The following DNAH8 variants were observed in gnomAD, a reference collection of about 807,000 sequenced individuals.
DNAH8 encodes the protein dynein axonemal heavy chain 8.
DNAH8 carries 382 observed loss-of-function variants against 562.1 expected under a neutral mutation model. The ratio of observed to expected loss-of-function variants is 0.68; its 90% CI spans 0.63 to 0.74. The LOEUF (loss-of-function observed/expected upper bound fraction) is 0.74, where lower values mean the gene tolerates loss of function less well. Ranked by LOEUF, DNAH8 falls within the 30% of genes least tolerant of loss-of-function variation. DNAH8 has a pLI of 0.00. For synonymous variants in DNAH8, 1,881 were observed against 1,919.4 expected (o/e 0.98, Z 0.52); for missense variants, 5,203 against 5,620.4 (o/e 0.93, Z 2.37).
In DNAH8 at chr6:38,848,736, C is replaced by T; in HGVS notation, c.5134C>T (p.Gln1712Ter). The T allele has an allele frequency of 6.2e-7, 1 of 1,613,292 alleles. No individual in the cohort carries two copies. The highest frequency in any genetic ancestry group is 8.5e-7 in the Non-Finnish European group (1 of 1,179,454). ...TATAATTGAAGAGTGGCTCGTAGTA[C>T]AGAACCTTTGGGTTTATCTTGAAGC... ...SDIIEEWLVV[Q>*]NLWVYLEAVF... Residue 1712 changes from glutamine to a stop codon, truncating the protein, a stop_gained, in exon 37 of 93, where the codon CAG (glutamine) becomes TAG (stop). Coordinates refer to ENST00000327475, the MANE Select transcript of DNAH8 (RefSeq NM_001206927.2). LOFTEE classifies it high-confidence loss of function.
At chr6:38,733,985 A>T (rs1486340351) in intron 4 of DNAH8, among the ~76,000 whole-genome samples, 4 of 149,432 alleles carry the variant, frequency 2.7e-5, no homozygotes, top group Non-Finnish European at 5.9e-5. Context: ...AAAAAAAAAA[A>T]AAATGATGCA....
At position 38,826,287 on chromosome 6, in the gene DNAH8, T is replaced by C; in HGVS notation, c.3979T>C (p.Ser1327Pro). The change falls in exon 29 of 93, where the codon TCT becomes CCT. Residue 1327 changes from serine (S) to proline (P), a missense_variant. Ser to Pro is a moderately conservative substitution (Grantham distance 74). This residue lies in a region of DNAH8 where 2,176 missense variants were observed against 2,365.1 expected (regional missense o/e 0.92). Transcript: ENST00000327475. ...TATTAATGAATACTTGAAAAAGTTA[T>C]CTAGACCTATTCGTGATTTAGATGA... Reference protein sequence around the residue: ...AFINEYLKKLSRPIRDLDDVR... With the variant: ...AFINEYLKKLPRPIRDLDDVR... The C allele has an allele frequency of 2.5e-6, 4 of 1,613,698 alleles. No homozygotes were observed. Among genetic ancestry groups the C allele is most frequent in the Non-Finnish European group, 3.4e-6 (4 of 1,179,734 alleles).
intron 85 of DNAH8, among the ~76,000 whole-genome samples, chr6:38,981,569 A>G (rs1182257752): frequency 6.6e-6 from 1 of 152,236 alleles, no homozygotes; most frequent in Non-Finnish European, 1.5e-5. Flanking sequence ...TAGTTTTCAA[A>G]ATCTGAAATG....
chr6:38,747,632 G>A (rs1765069559), intron 8 of DNAH8, among the ~76,000 whole-genome samples: 1 of 152,188 alleles, frequency 6.6e-6, no homozygotes, highest in South Asian at 2.1e-4. Context: ...TGATCTGCCC[G>A]CCTTGGCTGC....
chr6:38,745,634 A>C (rs1764864734), intron 8 of DNAH8, among the ~76,000 whole-genome samples: 2 of 152,136 alleles, frequency 1.3e-5, no homozygotes, highest in Admixed American at 1.3e-4. Flanking sequence ...CAGGTTTTCC[A>C]CTTATGTATT....
intron 59 of DNAH8, among the ~76,000 whole-genome samples, chr6:38,895,762 C>A (rs1779633677): frequency 6.6e-6 from 1 of 152,238 alleles, no homozygotes; most frequent in South Asian, 2.1e-4. Flanking sequence ...CGCTCGTCCA[C>A]TACCGACCAT....
intron 10 of DNAH8, among the ~76,000 whole-genome samples, chr6:38,757,259 C>A (rs1366845946): frequency 2.0e-5 from 3 of 152,150 alleles, no homozygotes; most frequent in Admixed American, 2.0e-4. Context: ...ATTTGCATTT[C>A]TCTGATGGCC....
intron 19 of DNAH8, 73 bp from the exon 20 acceptor site, chr6:38,790,216 G>C: frequency 1.2e-6 from 1 of 812,628 alleles, no homozygotes; most frequent in Non-Finnish European, 2.1e-6. Context: ...ATATTTGTAG[G>C]TGATAAATCC....
chr6:38,876,165 G>T (rs946311820), intron 53 of DNAH8, among the ~76,000 whole-genome samples: 5 of 152,228 alleles, frequency 3.3e-5, no homozygotes, highest in Non-Finnish European at 7.3e-5. Flanking sequence ...TGCAAAGCAT[G>T]CTAATACACA....
At chr6:38,769,078 T>C (rs939298439) in intron 11 of DNAH8, among the ~76,000 whole-genome samples, 3 of 152,230 alleles carry the variant, frequency 2.0e-5, no homozygotes, top group Non-Finnish European at 2.9e-5. Flanking sequence ...TCTAGTTCAA[T>C]GTTTCTATTA....
intron 4 of DNAH8, among the ~76,000 whole-genome samples, chr6:38,734,115 C>G (rs1244379205): frequency 7.3e-6 from 1 of 136,992 alleles, no homozygotes; most frequent in Non-Finnish European, 1.7e-5. Context: ...AACCCCGTCT[C>G]TAAGAAAAAA....
chr6:38,872,635 G>GA lies in DNAH8; in HGVS notation c.7092dup (p.Cys2365MetfsTer6), dbSNP rs751768215. The stretch of plus-strand genomic sequence containing the variant: ...CACGATTCTAATGAAGGCGCAAACA[G>GA]AATGCGGAAGGCCTCATAGAGAAAT... On this transcript the variant is annotated frameshift_variant, in exon 50 of 93. Coordinates refer to ENST00000327475, the MANE Select transcript of DNAH8 (RefSeq NM_001206927.2). LOFTEE classifies it high-confidence loss of function. The GA allele has an allele frequency of 1.4e-5, 23 of 1,614,140 alleles. No homozygotes were observed. Among genetic ancestry groups the GA allele is most frequent in the Non-Finnish European group, 1.4e-5 (16 of 1,179,984 alleles).
chr6:38,941,349 A>C (rs1295314853), intron 79 of DNAH8, among the ~76,000 whole-genome samples: 7 of 152,306 alleles, frequency 4.6e-5, no homozygotes, highest in African/African-American at 1.7e-4. Flanking sequence ...TACTTCATTT[A>C]ATTCCTTCCT....
chr6:38,911,785 C>T (rs1204172790), intron 66 of DNAH8, among the ~76,000 whole-genome samples, 199 bp downstream of exon 66: 1 of 152,158 alleles, frequency 6.6e-6, no homozygotes, highest in Non-Finnish European at 1.5e-5. Context: ...CAGAAGTGGC[C>T]TATTTTCTCT....
chr6:38,884,215 T>A (rs963715127), intron 56 of DNAH8, among the ~76,000 whole-genome samples: 1 of 152,056 alleles, frequency 6.6e-6, no homozygotes. Flanking sequence ...AAACTTTAAG[T>A]TTTAGGGTAC....
intron 12 of DNAH8, among the ~76,000 whole-genome samples, chr6:38,775,114 T>A (rs760029860): frequency 2.8e-4 from 43 of 152,156 alleles, no homozygotes; most frequent in Admixed American, 7.9e-4. Context: ...TTGAGCATTG[T>A]TCTCTAAAGC....
In DNAH8 at chr6:38,873,403, A is replaced by G. The variant is rs933278960; in HGVS notation, c.7620+27A>G. 4 of 1,554,944 alleles carry G rather than the reference A, an allele frequency of 2.6e-6. No individual in the cohort carries two copies. In the African/African-American group the frequency reaches 4.1e-5, roughly 16 times the overall value. On this transcript the variant is annotated intron_variant, in intron 52 of 92. Transcript: ENST00000327475. ...TAAGATTTTTTTTTGTACATTTACT[A>G]CTTCGATTTTGATTTTTTTTTCACT...
At chr6:38,867,305 G>T (rs188277906) in intron 47 of DNAH8, among the ~76,000 whole-genome samples, 27 of 151,644 alleles carry the variant, frequency 1.8e-4, no homozygotes, top group Admixed American at 3.9e-4. Flanking sequence ...TCACCACAAG[G>T]TTCCCTCATG....
chr6:38,901,044 C>A (rs1780043028), intron 62 of DNAH8, among the ~76,000 whole-genome samples: 1 of 151,646 alleles, frequency 6.6e-6, no homozygotes, highest in African/African-American at 2.4e-5. Context: ...TATAAAAGCC[C>A]TTTCTCCATT....
Sources: gnomAD v4.1 joint callset for allele counts (sites outside exome capture counted in the v4.1 genomes callset) on GRCh38, gnomAD v4.1.1 for gene constraint, gnomAD v4.1.1 regional missense constraint, MANE v1.5 for transcripts, NCBI Gene and HGNC (gene_info 2026-07-23, HGNC 2026-07-21) for gene names.